The following SLC5A11 variants were observed in gnomAD, a reference collection of about 807,000 sequenced individuals.
The protein encoded by SLC5A11 is solute carrier family 5 member 11, also known as sodium/myo-inositol cotransporter 2.
A neutral mutation model predicts 69.8 loss-of-function variants in SLC5A11; 48 were observed. That is an observed-to-expected ratio of 0.69 (90% confidence interval 0.55 to 0.87). The LOEUF is 0.87. SLC5A11 is among the 40% of genes least tolerant of loss of function. The probability of loss-of-function intolerance (pLI) is 0.00; values close to 1 mark genes in which losing one functional copy is unlikely to be tolerated. For missense variants in SLC5A11, 784 were observed against 866.1 expected (o/e 0.91, Z 1.19); for synonymous variants, 319 against 342.4 (o/e 0.93, Z 0.75).
chr16:24,905,632 G>GCGCA (rs1555534366), intron 10 of SLC5A11, among the ~76,000 whole-genome samples: 1 of 74,326 alleles, frequency 1.3e-5, no homozygotes, highest in African/African-American at 4.8e-5. Context: ...AAAAACACGC[G>GCGCA]CGCGCGCGCA....
chr16:24,906,593 G>T (rs2050077690), intron 10 of SLC5A11, 64 bp from the exon 12 acceptor site: 38 of 1,048,240 alleles, frequency 3.6e-5, no homozygotes, highest in Middle Eastern at 2.1e-4. Flanking sequence ...CCGGCCCCAT[G>T]TTGCCTGGGC....
rs869210839 is a variant in SLC5A11, at chr16:24,896,942, C to CTTTTTTTTT, written c.871-1012_871-1004dup. 2.1e-5 allele frequency among the ~76,000 whole-genome samples: 2 copies of CTTTTTTTTT among 97,092 alleles called. 1 individual carries two copies. 63.7% of individuals were successfully genotyped at this position (97,092 alleles called of 152,430 possible). A position where few individuals can be genotyped will look rare whatever the true frequency, so the allele number is the denominator to read the frequency against. On this transcript the variant is annotated intron_variant, in intron 9 of 15. Coordinates refer to ENST00000347898, the Ensembl canonical transcript of SLC5A11. ...CACCAGGAGTTAGACAACCTCCTTC[C>CTTTTTTTTT]TTTTTTTTTTTTTTTTTTTTTTTTT...
At chr16:24,849,975 A>G (rs1225605500) in intron 1 of SLC5A11, among the ~76,000 whole-genome samples, 1 of 151,936 alleles carries the variant, frequency 6.6e-6, no homozygotes, top group Non-Finnish European at 1.5e-5. Flanking sequence ...CTATTATTTG[A>G]GACAGGGTCT....
chr16:24,880,081 C>G (rs924050531), intron 7 of SLC5A11, among the ~76,000 whole-genome samples: 4 of 152,130 alleles, frequency 2.6e-5, no homozygotes, highest in African/African-American at 9.7e-5. Flanking sequence ...TCTCAGTTCT[C>G]TCTCCACAGT....
chr16:24,860,793 C>T (rs546481649), intron 2 of SLC5A11, among the ~76,000 whole-genome samples: 1 of 152,224 alleles, frequency 6.6e-6, no homozygotes, highest in South Asian at 2.1e-4. Flanking sequence ...GCAAGCTCCA[C>T]CTCCCAGGTT....
intron 3 of SLC5A11, 75 bp from the exon 5 acceptor site, chr16:24,869,826 A>G (rs1365819178): frequency 9.6e-7 from 1 of 1,041,626 alleles, no homozygotes; most frequent in Non-Finnish European, 1.5e-6. Context: ...CCTTTGGAGC[A>G]TGGAAATAAT....
chr16:24,875,520 T>G, intron 5 of SLC5A11, 107 bp from the exon 7 acceptor site: 1 of 823,432 alleles, frequency 1.2e-6, no homozygotes, highest in Non-Finnish European at 2.0e-6. Flanking sequence ...GAAGACCATC[T>G]GTGCTCTGAG....
At chr16:24,860,295 T>C (rs1567579946) in intron 2 of SLC5A11, among the ~76,000 whole-genome samples, 1 of 151,422 alleles carries the variant, frequency 6.6e-6, no homozygotes, top group African/African-American at 2.4e-5. Flanking sequence ...TCAAAAAATA[T>C]ATATAAAAAA....
chr16:24,849,589 A>AT lies in SLC5A11; in HGVS notation c.-25+3151_-25+3152insT, dbSNP rs60706405. On this transcript the variant is annotated intron_variant, in intron 1 of 15. Coordinates refer to ENST00000347898, the Ensembl canonical transcript of SLC5A11. ...CTTGGGGGCAAAAAAAAAAAAAAAA[A>AT]AAAAATATATATATATATATATATA... Among the ~76,000 whole-genome samples, 95 of 63,708 alleles carry AT rather than the reference A, an allele frequency of 1.5e-3. 2 individuals carry two copies. Among genetic ancestry groups the AT allele is most frequent in the Non-Finnish European group, 2.2e-3 (67 of 30,294 alleles). The allele number at this position is 63,708 out of a possible 152,430, so 41.8% of individuals were successfully genotyped here.
intron 1 of SLC5A11, among the ~76,000 whole-genome samples, chr16:24,847,261 C>T (rs955870843): frequency 2.0e-5 from 3 of 149,728 alleles, no homozygotes; most frequent in African/African-American, 4.9e-5. Context: ...TCCTTCCCTC[C>T]CTCCCACCTC....
rs1555515955 is a variant in SLC5A11 at position 24,849,593 on chromosome 16, AATAT to A, written c.-25+3182_-25+3185del. Among the ~76,000 whole-genome samples, 159 of 35,830 alleles carry A rather than the reference AATAT, an allele frequency of 4.4e-3. 2 individuals carry two copies. The highest frequency in any genetic ancestry group is 9.6e-3 in the African/African-American group (104 of 10,804). 23.5% of individuals were successfully genotyped at this position (35,830 alleles called of 152,430 possible). On this transcript the variant is annotated intron_variant, in intron 1 of 15. Transcript: ENST00000347898. ...GGGGCAAAAAAAAAAAAAAAAAAAA[AATAT>A]ATATATATATATATATATATATATA...
intron 4 of SLC5A11, 126 bp downstream of exon 5, chr16:24,870,131 G>A (rs1255318128): frequency 9.5e-6 from 6 of 631,576 alleles, no homozygotes; most frequent in Middle Eastern, 5.9e-4. Context: ...GGTGGCTCAC[G>A]CCTGTAATCT....
At chr16:24,892,434 C>A (rs1447539242) in intron 9 of SLC5A11, among the ~76,000 whole-genome samples, 1 of 133,444 alleles carries the variant, frequency 7.5e-6, no homozygotes, top group African/African-American at 2.9e-5. Context: ...TACAAGAAGT[C>A]CTTTTGTGTT....
At chr16:24,853,895 C>A (rs2059417228) in intron 1 of SLC5A11, among the ~76,000 whole-genome samples, 1 of 152,196 alleles carries the variant, frequency 6.6e-6, no homozygotes, top group Non-Finnish European at 1.5e-5. Context: ...ATGGAGGGTT[C>A]CTCCTGGGAT....
intron 7 of SLC5A11, among the ~76,000 whole-genome samples, chr16:24,882,534 C>G (rs1403321839): frequency 6.6e-6 from 1 of 152,138 alleles, no homozygotes; most frequent in Non-Finnish European, 1.5e-5. Context: ...GGATAAGTGT[C>G]CCTTCTCCTC....
At chr16:24,898,196 G>C (rs555159874) in intron 10 of SLC5A11, 87 bp downstream of exon 11, 5 of 1,496,266 alleles carry the variant, frequency 3.3e-6, no homozygotes, top group African/African-American at 1.4e-5. Flanking sequence ...GAAGCCTCAA[G>C]AGAATGTGAC....
intron 9 of SLC5A11, among the ~76,000 whole-genome samples, chr16:24,896,004 G>C (rs952923167): frequency 1.3e-5 from 2 of 151,878 alleles, no homozygotes; most frequent in Middle Eastern, 3.2e-3. Flanking sequence ...TGATGATTTA[G>C]TGAGGACTCA....
At chr16:24,855,706 CA>C (rs2059500644) in intron 1 of SLC5A11, among the ~76,000 whole-genome samples, 1 of 148,248 alleles carries the variant, frequency 6.7e-6, no homozygotes, top group African/African-American at 2.6e-5. Flanking sequence ...AAAAATAAAA[CA>C]AAAAGGCTTG....
chr16:24,889,688 C>A (rs1485791566), intron 8 of SLC5A11, among the ~76,000 whole-genome samples: 1 of 150,556 alleles, frequency 6.6e-6, no homozygotes, highest in Non-Finnish European at 1.5e-5. Context: ...GCTGGGATTA[C>A]AGGCACCCAC....
Sources: allele counts gnomAD v4.1 joint callset (sites outside exome capture counted in the v4.1 genomes callset), GRCh38; gene constraint gnomAD v4.1.1; transcripts MANE v1.5; gene names NCBI Gene and HGNC (gene_info 2026-07-23, HGNC 2026-07-21).